WDR17: variants seen among roughly 807,000 people sequenced by gnomAD.
The protein encoded by WDR17 is WD repeat-containing protein 17.
WDR17 carries 143 observed loss-of-function variants against 161.7 expected under a neutral mutation model. That is an observed-to-expected ratio of 0.88 (90% CI 0.77 to 1.02). The LOEUF (loss-of-function observed/expected upper bound fraction) is 1.02. Ranked by LOEUF, WDR17 falls within the 50% of genes least tolerant of loss-of-function variation. WDR17 has a pLI of 0.00. For synonymous variants in WDR17, 517 were observed against 515.6 expected, an observed-to-expected ratio of 1.00 and a Z score of -0.04; for missense variants, 1,469 against 1,520.9, an observed-to-expected ratio of 0.97 and a Z score of 0.57.
intron 1 of WDR17, among the ~76,000 whole-genome samples, chr4:176,089,117 A>T (rs898309815): frequency 6.6e-6 from 1 of 152,134 alleles, no homozygotes; most frequent in African/African-American, 2.4e-5. Context: ...GATTTTTAGT[A>T]TGTAATTTCT....
In WDR17 at chr4:176,126,516, G is replaced by A. The variant is rs558082470; in HGVS notation, c.790+1161G>A. Reference sequence around the variant, plus strand: ...AATAGTGACGCCACCCTGTATCTGTGGGTTCTGCATCAGTGGATTGAACCA... The same window carrying A: ...AATAGTGACGCCACCCTGTATCTGTAGGTTCTGCATCAGTGGATTGAACCA... On this transcript the variant is annotated intron_variant, in intron 5 of 28. Transcript: ENST00000508596. 2.7e-3 allele frequency among the ~76,000 whole-genome samples: 414 copies of A among 152,212 alleles called. 1 individual carries two copies. Among genetic ancestry groups the A allele is most frequent in the Non-Finnish European group, 5.0e-3 (338 of 68,014 alleles).
intron 1 of WDR17, among the ~76,000 whole-genome samples, chr4:176,108,053 C>T (rs747926307): frequency 1.3e-5 from 2 of 151,732 alleles, no homozygotes; most frequent in Non-Finnish European, 2.9e-5. Flanking sequence ...CTCCCCTATC[C>T]CCCAAGACAG....
intron 20 of WDR17, among the ~76,000 whole-genome samples, chr4:176,161,426 G>T (rs941178682): frequency 6.6e-6 from 1 of 151,976 alleles, no homozygotes; most frequent in Non-Finnish European, 1.5e-5. Context: ...ATAATGTTTG[G>T]TCCTCTTTTA....
rs776277917 is a variant in WDR17, at chr4:176,128,727, G to A, written c.791-11G>A. The A allele has an allele frequency of 1.3e-5, 20 of 1,597,004 alleles. No homozygotes were observed. The highest frequency in any genetic ancestry group is 1.5e-5 in the Non-Finnish European group (18 of 1,175,082). ...ACTTGTTAAAATGTGCTTTTTCCCT[G>A]ATCTGACTAGATTCTCAAGTGGGTG... On this transcript the variant is annotated splice_polypyrimidine_tract_variant and intron_variant, in intron 5 of 28. Coordinates refer to ENST00000508596, the MANE Select transcript of WDR17 (RefSeq NM_181265.4).
intron 1 of WDR17, among the ~76,000 whole-genome samples, chr4:176,078,328 G>C (rs906746883): frequency 6.6e-5 from 10 of 152,168 alleles, no homozygotes; most frequent in Admixed American, 6.6e-4. Flanking sequence ...GTATAAACTG[G>C]AATCACCTGC....
chr4:176,133,215 T>A, intron 7 of WDR17, among the ~76,000 whole-genome samples: 1 of 136,852 alleles, frequency 7.3e-6, no homozygotes, highest in Non-Finnish European at 1.6e-5. Flanking sequence ...CACTATTTAA[T>A]TACAAGCAAA....
chr4:176,128,732 G>T lies in WDR17; in HGVS notation c.791-6G>T. ...TTAAAATGTGCTTTTTCCCTGATCTGACTAGATTCTCAAGTGGGTGTTTTA... is the reference window on the plus strand; with the variant it reads ...TTAAAATGTGCTTTTTCCCTGATCTTACTAGATTCTCAAGTGGGTGTTTTA... On this transcript the variant is annotated splice_region_variant and splice_polypyrimidine_tract_variant and intron_variant, in intron 5 of 28. Transcript: ENST00000508596. 6.2e-7 allele frequency: 1 copy of T among 1,600,834 alleles called. No individual in the cohort carries two copies. The highest frequency in any genetic ancestry group is 1.1e-5 in the South Asian group (1 of 87,124).
rs956517285 is a variant in WDR17, at chr4:176,177,573, T to C, written c.3651T>C (p.Ile1217=). ...RLKEESLKGI[I]GPDYVTGSNL... ...AAGAAGAGTCACTGAAAGGAATTATTGGACCAGATTATGTGACTGGATCAA... is the reference window on the plus strand; with the variant it reads ...AAGAAGAGTCACTGAAAGGAATTATCGGACCAGATTATGTGACTGGATCAA... The change falls in exon 28 of 29, where the codon ATT becomes ATC. Residue 1217 remains isoleucine (I), a synonymous_variant. Transcript: ENST00000508596. 7 of 1,596,956 alleles carry C rather than the reference T, an allele frequency of 4.4e-6. No homozygotes were observed. Among genetic ancestry groups the C allele is most frequent in the Non-Finnish European group, 6.0e-6 (7 of 1,176,056 alleles).
At chr4:176,148,475 C>A in intron 13 of WDR17, 140 bp downstream of exon 13, 2 of 752,446 alleles carry the variant, frequency 2.7e-6, no homozygotes, top group Non-Finnish European at 4.2e-6. Context: ...AGAAAATATA[C>A]ACGTTTATTA....
chr4:176,123,868 C>G (rs2126732175), intron 4 of WDR17, among the ~76,000 whole-genome samples: 1 of 152,344 alleles, frequency 6.6e-6, no homozygotes, highest in Non-Finnish European at 1.5e-5. Flanking sequence ...TCCCAACTCT[C>G]TAATCAAGCC....
rs113719292 is a variant in WDR17, at chr4:176,097,738, C to T, written c.-6-13837C>T. On this transcript the variant is annotated intron_variant, in intron 1 of 28. Coordinates refer to ENST00000508596, the MANE Select transcript of WDR17 (RefSeq NM_181265.4). ...CCCCACTTACACACACACACACACACACATACACACACACACACACACACA... is the reference window on the plus strand; with the variant it reads ...CCCCACTTACACACACACACACACATACATACACACACACACACACACACA... 6.2e-3 allele frequency among the ~76,000 whole-genome samples: 730 copies of T among 116,860 alleles called. 8 individuals carry two copies. The highest frequency in any genetic ancestry group is 0.021 in the African/African-American group (658 of 30,774). 76.7% of individuals were successfully genotyped at this position (116,860 alleles called of 152,430 possible).
At chr4:176,109,445 C>T (rs1346529866) in intron 1 of WDR17, among the ~76,000 whole-genome samples, 1 of 152,050 alleles carries the variant, frequency 6.6e-6, no homozygotes, top group East Asian at 1.9e-4. Context: ...AGATTGGTAG[C>T]CCTGTTTGTT....
At chr4:176,139,181 T>A (rs1744865247) in intron 9 of WDR17, among the ~76,000 whole-genome samples, 1 of 151,924 alleles carries the variant, frequency 6.6e-6, no homozygotes, top group African/African-American at 2.4e-5. Flanking sequence ...TTAATGGAAT[T>A]TAAGTACTAT....
At chr4:176,092,799 T>C (rs1736297043) in intron 1 of WDR17, among the ~76,000 whole-genome samples, 1 of 152,056 alleles carries the variant, frequency 6.6e-6, no homozygotes, top group Non-Finnish European at 1.5e-5. Flanking sequence ...CTCAGCACTT[T>C]GGGAGGGTGA....
intron 1 of WDR17, among the ~76,000 whole-genome samples, chr4:176,090,677 T>G (rs1490819734): frequency 6.6e-6 from 1 of 152,124 alleles, no homozygotes; most frequent in Non-Finnish European, 1.5e-5. Context: ...GAGACCCTAG[T>G]GGTGCTAGAG....
At chr4:176,142,812 C>T (rs573217049) in intron 11 of WDR17, among the ~76,000 whole-genome samples, 28 of 152,276 alleles carry the variant, frequency 1.8e-4, no homozygotes, top group African/African-American at 5.5e-4. Context: ...TCAAATCACA[C>T]GTTTTACAAA....
intron 2 of WDR17, among the ~76,000 whole-genome samples, chr4:176,112,913 A>G (rs1367949337): frequency 6.6e-6 from 1 of 152,154 alleles, no homozygotes; most frequent in African/African-American, 2.4e-5. Flanking sequence ...ATTACTACAT[A>G]TTCGTACATT....
chr4:176,067,401 T>C (rs968582724), intron 1 of WDR17, among the ~76,000 whole-genome samples: 4 of 152,338 alleles, frequency 2.6e-5, no homozygotes, highest in Admixed American at 2.6e-4. Context: ...TCAAAGGGCA[T>C]ATACGGAAAG....
intron 1 of WDR17, among the ~76,000 whole-genome samples, chr4:176,070,102 T>C (rs1202225435): frequency 6.6e-6 from 1 of 152,172 alleles, no homozygotes; most frequent in African/African-American, 2.4e-5. Flanking sequence ...TCAAAATTAA[T>C]AAGGGAAAAG....
Sources: allele counts gnomAD v4.1 joint callset (sites outside exome capture counted in the v4.1 genomes callset), GRCh38; gene constraint gnomAD v4.1.1; transcripts MANE v1.5; gene names NCBI Gene and HGNC (gene_info 2026-07-23, HGNC 2026-07-21).